The following MGAT5 variants were observed in gnomAD, a reference collection of about 807,000 sequenced individuals.
MGAT5 encodes alpha-1,6-mannosylglycoprotein 6-beta-N-acetylglucosaminyltransferase.
MGAT5 carries 30 observed loss-of-function variants against 94.3 expected under a neutral mutation model. That is an observed-to-expected ratio of 0.32 (90% CI 0.24 to 0.43). MGAT5 has a LOEUF of 0.43. Among genes scored for constraint, MGAT5 ranks in the 20% least tolerant of loss-of-function variants. MGAT5 has a pLI of 1.00. For missense variants in MGAT5, 691 were observed against 905.5 expected, an observed-to-expected ratio of 0.76 and a Z score of 3.04; for synonymous variants, 310 against 322.9, an observed-to-expected ratio of 0.96 and a Z score of 0.43.
intron 1 of MGAT5, among the ~76,000 whole-genome samples, chr2:134,153,219 C>T (rs1450300908): frequency 6.6e-6 from 1 of 152,144 alleles, no homozygotes; most frequent in Non-Finnish European, 1.5e-5. Context: ...CACGCCGGGC[C>T]AGAGTCCACA....
At chr2:134,221,459 C>CAG (rs887781539) in intron 1 of MGAT5, among the ~76,000 whole-genome samples, 8 of 151,038 alleles carry the variant, frequency 5.3e-5, no homozygotes, top group African/African-American at 1.2e-4. Context: ...CAGCAGACTT[C>CAG]AGAGAGAGAG....
chr2:134,235,586 G>A (rs1275671989), intron 1 of MGAT5, among the ~76,000 whole-genome samples: 1 of 151,942 alleles, frequency 6.6e-6, no homozygotes, highest in Non-Finnish European at 1.5e-5. Context: ...TGAACACCCT[G>A]GGAAAAATCA....
intron 11 of MGAT5, among the ~76,000 whole-genome samples, chr2:134,412,117 C>G (rs1004438548): frequency 2.6e-5 from 4 of 152,064 alleles, no homozygotes; most frequent in Non-Finnish European, 5.9e-5. Flanking sequence ...GCAGCTTGTC[C>G]CCTTTGTCAT....
chr2:134,425,914 A>G (rs1264671445), intron 13 of MGAT5, among the ~76,000 whole-genome samples: 2 of 151,430 alleles, frequency 1.3e-5, no homozygotes, highest in African/African-American at 4.9e-5. Context: ...TTTTTTAAAC[A>G]AAGCAGGATG....
chr2:134,165,962 A>G (rs181416074), intron 1 of MGAT5, among the ~76,000 whole-genome samples: 67 of 152,248 alleles, frequency 4.4e-4, no homozygotes, highest in Non-Finnish European at 8.5e-4. Context: ...TAGTACCTCA[A>G]AGAGGTACAG....
chr2:134,247,662 GCA>G, intron 1 of MGAT5, among the ~76,000 whole-genome samples: 1 of 152,170 alleles, frequency 6.6e-6, no homozygotes, highest in Admixed American at 6.5e-5. Context: ...GTTCTTTGGA[GCA>G]CAGTTTGAGA....
chr2:134,361,816 T>C (rs946036609), intron 9 of MGAT5, among the ~76,000 whole-genome samples: 2 of 152,196 alleles, frequency 1.3e-5, no homozygotes, highest in African/African-American at 4.8e-5. Flanking sequence ...CCTCCTGTTA[T>C]GTAGCTGGGT....
chr2:134,254,535 C>T lies in MGAT5; in HGVS notation c.132C>T (p.Ser44=). 1 of 1,614,230 alleles carries T rather than the reference C, an allele frequency of 6.2e-7. No individual in the cohort carries two copies. The highest frequency in any genetic ancestry group is 1.1e-5 in the South Asian group (1 of 91,088). ...IQQRTQPESS[S]MLREQILDLS... is the part of the protein sequence containing the mutation. ...AGCGAACTCAGCCTGAAAGCAGCTC[C>T]ATGCTGCGCGAGCAGATCCTGGACC... The change falls in exon 1 of 16, where the codon TCC becomes TCT. Residue 44 remains serine (S), a synonymous_variant. Transcript: ENST00000281923.
At chr2:134,418,177 G>C (rs954702119) in intron 12 of MGAT5, among the ~76,000 whole-genome samples, 1 of 152,280 alleles carries the variant, frequency 6.6e-6, no homozygotes, top group East Asian at 1.9e-4. Flanking sequence ...ATCAGCCAGC[G>C]TGAAGTTATC....
chr2:134,224,431 A>G (rs1004246935), intron 1 of MGAT5, among the ~76,000 whole-genome samples: 1 of 152,176 alleles, frequency 6.6e-6, no homozygotes, highest in Non-Finnish European at 1.5e-5. Context: ...AAAATGTTAA[A>G]CCTTTAGTAT....
rs756533426 is a variant in MGAT5 at position 134,336,190 on chromosome 2, A to C, written c.574-27A>C. 2.5e-6 allele frequency: 4 copies of C among 1,589,012 alleles called. No homozygotes were observed. In the Admixed American group the frequency reaches 6.7e-5, roughly 27 times the overall value. On this transcript the variant is annotated intron_variant, in intron 4 of 15. Coordinates refer to ENST00000281923, the MANE Select transcript of MGAT5 (RefSeq NM_002410.5). ...ATTAATTCATTATAGATGAAGCTGC[A>C]TATTTAGTGTCACTGATGCTTTTTA...
intron 12 of MGAT5, among the ~76,000 whole-genome samples, chr2:134,413,440 T>C (rs1683783227): frequency 1.3e-5 from 2 of 152,164 alleles, no homozygotes; most frequent in African/African-American, 4.8e-5. Flanking sequence ...ACCATATGTA[T>C]CATGGATAAC....
chr2:134,294,318 A>C (rs191775660), intron 2 of MGAT5, among the ~76,000 whole-genome samples: 12 of 152,230 alleles, frequency 7.9e-5, no homozygotes, highest in Admixed American at 3.3e-4. Flanking sequence ...CATGTTTCCA[A>C]GTCTTAATAT....
chr2:134,127,346 G>A (rs185485416), intron 1 of MGAT5, among the ~76,000 whole-genome samples: 1 of 152,200 alleles, frequency 6.6e-6, no homozygotes, highest in East Asian at 1.9e-4. Flanking sequence ...TATGCTTGGT[G>A]GGTTTAAAGA....
intron 1 of MGAT5, among the ~76,000 whole-genome samples, chr2:134,223,802 G>A (rs1242265672): frequency 6.6e-6 from 1 of 152,104 alleles, no homozygotes; most frequent in African/African-American, 2.4e-5. Flanking sequence ...TGGCCATATA[G>A]ACTCCTTTTA....
chr2:134,452,285 GTCAACCAGCCTGT>G lies in MGAT5; in HGVS notation c.*3439_*3451del, dbSNP rs1686147688. 1 of 152,172 alleles carries G rather than the reference GTCAACCAGCCTGT, an allele frequency of 6.6e-6. No homozygotes were observed. Among genetic ancestry groups the G allele is most frequent in the Non-Finnish European group, 1.5e-5 (1 of 68,030 alleles). The allele number at this position is 152,172 out of a possible 1,614,324, so 9.4% of individuals were successfully genotyped here. A position where few individuals can be genotyped will look rare whatever the true frequency, so the allele number is the denominator to read the frequency against. On this transcript the variant is annotated 3_prime_UTR_variant, in exon 16 of 16. Transcript: ENST00000281923. The stretch of plus-strand genomic sequence containing the variant: ...CCTTGGGACTGCTGGTTGCCAACGT[GTCAACCAGCCTGT>G]GTTCCCTGCCACCCACGCACTTGCT...
At chr2:134,278,141 A>G (rs1240900132) in intron 2 of MGAT5, among the ~76,000 whole-genome samples, 3 of 152,178 alleles carry the variant, frequency 2.0e-5, no homozygotes, top group Non-Finnish European at 2.9e-5. Context: ...TTTACCGAAA[A>G]TTCTTCTCAT....
At chr2:134,131,413 C>T (rs1041473340) in intron 1 of MGAT5, among the ~76,000 whole-genome samples, 2 of 152,072 alleles carry the variant, frequency 1.3e-5, no homozygotes, top group African/African-American at 4.8e-5. Context: ...GCTGAATTCC[C>T]GAAATTAGTA....
At chr2:134,423,004 A>G in intron 13 of MGAT5, 85 bp downstream of exon 13, 1 of 971,032 alleles carries the variant, frequency 1.0e-6, no homozygotes, top group Non-Finnish European at 1.6e-6. Flanking sequence ...TGTTTTTAGC[A>G]AACAGATCTT....
Sources: gnomAD v4.1 joint callset for allele counts (sites outside exome capture counted in the v4.1 genomes callset) on GRCh38, gnomAD v4.1.1 for gene constraint, MANE v1.5 for transcripts, NCBI Gene and HGNC (gene_info 2026-07-23, HGNC 2026-07-21) for gene names.